Variants in ARHGEF4 observed in about 807,000 individuals in gnomAD.
The protein encoded by ARHGEF4 is Rho guanine nucleotide exchange factor 4.
ARHGEF4 carries 119 observed loss-of-function variants against 162.0 expected under a neutral mutation model. The ratio of observed to expected loss-of-function variants is 0.73; its 90% CI spans 0.63 to 0.86. The LOEUF is 0.86. Ranked by LOEUF, ARHGEF4 falls within the 40% of genes least tolerant of loss-of-function variation. The pLI is 0.00. For missense variants in ARHGEF4, 2,488 were observed against 2,456.0 expected, an observed-to-expected ratio of 1.01 and a Z score of -0.28; for synonymous variants, 1,014 against 979.9, an observed-to-expected ratio of 1.03 and a Z score of -0.65.
chr2:130,970,933 A>C (rs1404845709), intron 4 of ARHGEF4, among the ~76,000 whole-genome samples: 3 of 152,158 alleles, frequency 2.0e-5, no homozygotes, highest in Non-Finnish European at 4.4e-5. Context: ...CCAATTTTTC[A>C]TCTCTCTGTC....
intron 5 of ARHGEF4, among the ~76,000 whole-genome samples, chr2:131,036,450 C>T (rs1690291780): frequency 6.6e-6 from 1 of 152,212 alleles, no homozygotes; most frequent in African/African-American, 2.4e-5. Flanking sequence ...CCCCTCCTCC[C>T]CAAGGTCTTC....
intron 2 of ARHGEF4, among the ~76,000 whole-genome samples, chr2:130,919,855 G>A (rs536123329): frequency 4.7e-5 from 7 of 150,362 alleles, no homozygotes; most frequent in African/African-American, 1.2e-4. Context: ...CAACCTGGGC[G>A]ACAGAGTGAG....
chr2:131,041,331 C>G lies in ARHGEF4; in HGVS notation c.4764C>G (p.Phe1588Leu), dbSNP rs1342787115. The change falls in exon 9 of 14, where the codon TTC becomes TTG. Residue 1588 changes from phenylalanine (F) to leucine (L), a missense_variant. By Grantham distance (22) the Phe-to-Leu change is conservative. Coordinates refer to ENST00000409359, the MANE Select transcript of ARHGEF4 (RefSeq NM_001367493.1). ...AGCTCAGCAAGTACGTGTACTTCTT[C>G]GAGGCCTGCCGGCTGCTGCAGAAGA... The part of the protein sequence containing the change: ...LTKLSKYVYF[F>L]EACRLLQKMI... 7.4e-6 allele frequency: 12 copies of G among 1,613,628 alleles called. No homozygotes were observed. Among genetic ancestry groups the G allele is most frequent in the African/African-American group, 1.3e-5 (1 of 74,926 alleles).
chr2:130,992,423 G>A (rs960777109), intron 4 of ARHGEF4, among the ~76,000 whole-genome samples: 3 of 152,118 alleles, frequency 2.0e-5, no homozygotes, highest in Admixed American at 6.5e-5. Context: ...CACTCCTGAA[G>A]CCAGCGAGAC....
intron 4 of ARHGEF4, among the ~76,000 whole-genome samples, chr2:130,981,466 T>G (rs1686111992): frequency 6.6e-6 from 1 of 151,952 alleles, no homozygotes; most frequent in Non-Finnish European, 1.5e-5. Flanking sequence ...CGAGACCAGC[T>G]TGGCCAATAT....
chr2:130,841,900 G>A (rs1031404481), intron 1 of ARHGEF4, among the ~76,000 whole-genome samples: 2 of 152,198 alleles, frequency 1.3e-5, no homozygotes, highest in Non-Finnish European at 2.9e-5. Context: ...CCGGCTCTTG[G>A]ACTCCAGCAT....
At chr2:130,882,047 G>A (rs955286257) in intron 1 of ARHGEF4, among the ~76,000 whole-genome samples, 1 of 152,198 alleles carries the variant, frequency 6.6e-6, no homozygotes, top group African/African-American at 2.4e-5. Flanking sequence ...GACAGGAAGC[G>A]AGCCTGGGCA....
Position 130,917,427 on chromosome 2 carries a change from A to G in ARHGEF4, c.3481A>G (p.Ser1161Gly). 6.4e-7 allele frequency: 1 copy of G among 1,550,626 alleles called. No individual in the cohort carries two copies. The highest frequency in any genetic ancestry group is 8.7e-7 in the Non-Finnish European group (1 of 1,147,008). ...AAACCAAGATGAGCAGAAGGAAGAG[A>G]GCAGGGAAGGAGGCCAGGGTCCGCG... ...TLNQDEQKEE[S>G]REGGQGPRGL... The change falls in exon 2 of 14, where the codon AGC becomes GGC. Residue 1161 changes from serine (S) to glycine (G), a missense_variant. Physicochemically the swap from Ser to Gly is moderately conservative, Grantham distance 56. Coordinates refer to ENST00000409359, the MANE Select transcript of ARHGEF4 (RefSeq NM_001367493.1).
At chr2:130,844,371 G>C (rs1041341390) in intron 1 of ARHGEF4, among the ~76,000 whole-genome samples, 1 of 152,196 alleles carries the variant, frequency 6.6e-6, no homozygotes, top group Admixed American at 6.5e-5. Context: ...TTGTAAAGGA[G>C]GCGGGGCGCC....
intron 4 of ARHGEF4, among the ~76,000 whole-genome samples, chr2:130,998,969 C>A (rs955986497): frequency 6.6e-6 from 1 of 152,154 alleles, no homozygotes; most frequent in Non-Finnish European, 1.5e-5. Context: ...ACATCCTCAT[C>A]AGCAATTGGG....
chr2:130,878,940 T>C (rs1365791940), intron 1 of ARHGEF4, among the ~76,000 whole-genome samples: 1 of 152,156 alleles, frequency 6.6e-6, no homozygotes, highest in East Asian at 1.9e-4. Flanking sequence ...AGAGAGGAAG[T>C]AGTTTTTGGA....
intron 6 of ARHGEF4, chr2:131,039,635 C>G: frequency 8.8e-7 from 1 of 1,140,412 alleles, no homozygotes; most frequent in Non-Finnish European, 1.1e-6. Context: ...GCACCCTAAG[C>G]CTTTCCCCAA....
In ARHGEF4 at chr2:130,931,028, C is replaced by G; in HGVS notation, c.3629C>G (p.Pro1210Arg). 1 of 1,614,098 alleles carries G rather than the reference C, an allele frequency of 6.2e-7. No homozygotes were observed. Among genetic ancestry groups the G allele is most frequent in the Non-Finnish European group, 8.5e-7 (1 of 1,179,970 alleles). ...AGTCAGAAGGCGTTCCACATGGAGC[C>G]TGCCCAGAAGCCCTGCTTCACCACT... ...SHSQKAFHME[P>R]AQKPCFTTDM... The change falls in exon 3 of 14, where the codon CCT (proline) becomes CGT (arginine). Residue 1210 changes from proline (P) to arginine (R), a missense_variant. Physicochemically the swap from Pro to Arg is moderately radical, Grantham distance 103. Transcript: ENST00000409359.
chr2:130,965,581 GGGGCCTGAA>G (rs1684948793), intron 4 of ARHGEF4, among the ~76,000 whole-genome samples: 2 of 152,186 alleles, frequency 1.3e-5, no homozygotes, highest in African/African-American at 4.8e-5. Context: ...TACCCTAAGT[GGGGCCTGAA>G]GCAAACTGGC....
intron 1 of ARHGEF4, among the ~76,000 whole-genome samples, chr2:130,855,018 CGCCCGCGACCACG>C (rs1288012569): frequency 6.6e-6 from 1 of 151,534 alleles, no homozygotes; most frequent in Non-Finnish European, 1.5e-5. Flanking sequence ...GGACAACAGG[CGCCCGCGACCACG>C]CCCGGCAAAT....
intron 5 of ARHGEF4, among the ~76,000 whole-genome samples, chr2:131,033,110 C>T (rs566615406): frequency 1.3e-5 from 2 of 152,230 alleles, no homozygotes; most frequent in African/African-American, 4.8e-5. Flanking sequence ...GCCTTGGCTT[C>T]GCAAAGTGCT....
intron 10 of ARHGEF4, among the ~76,000 whole-genome samples, chr2:131,042,853 G>A (rs575745307): frequency 2.6e-5 from 4 of 152,316 alleles, no homozygotes; most frequent in Admixed American, 2.6e-4. Flanking sequence ...AAGCCCAAGG[G>A]TGGATGATGG....
At position 130,915,959 on chromosome 2, in the gene ARHGEF4, CGAGACCCCCTGT is replaced by C. The variant is rs1559037149; in HGVS notation, c.2017_2028del (p.Thr673_Glu676del). The C allele has an allele frequency of 6.4e-6, 10 of 1,550,416 alleles. No individual in the cohort carries two copies. The South Asian group carries it at 1.1e-4, about 17-fold the overall frequency. ...GACCAGAATCTCCCTTGAGCACTGG[CGAGACCCCCTGT>C]GAGTCTCCCACTAGGGGGAAAACAC... On this transcript the variant is annotated inframe_deletion, in exon 2 of 14. Transcript: ENST00000409359.
rs536755097 is a variant in ARHGEF4 at position 130,950,703 on chromosome 2, G to A, written c.3985+4068G>A. ...TAGCTATTACCCCCCACCACCACCC[G>A]AAGGAACCACTTATCTACTTCCTGT... On this transcript the variant is annotated intron_variant, in intron 4 of 13. Transcript: ENST00000409359. Among the ~76,000 whole-genome samples, 7 of 114,138 alleles carry A rather than the reference G, an allele frequency of 6.1e-5. No individual in the cohort carries two copies. In the South Asian group the frequency reaches 9.7e-4, roughly 16 times the overall value. The allele number at this position is 114,138 out of a possible 152,430, so 74.9% of individuals were successfully genotyped here.
Sources: gnomAD v4.1 joint callset for allele counts (sites outside exome capture counted in the v4.1 genomes callset) on GRCh38, gnomAD v4.1.1 for gene constraint, MANE v1.5 for transcripts, NCBI Gene and HGNC (gene_info 2026-07-23, HGNC 2026-07-21) for gene names.